FAT3: variants seen among roughly 807,000 people sequenced by gnomAD.
The protein encoded by FAT3 is protocadherin Fat 3.
In FAT3, 95 loss-of-function variants were observed where a neutral mutation model predicts 310.2. The ratio of observed to expected loss-of-function variants is 0.31; its 90% CI spans 0.26 to 0.36. The LOEUF (loss-of-function observed/expected upper bound fraction) is 0.36. Ranked by LOEUF, FAT3 falls within the 10% of genes least tolerant of loss-of-function variation. The pLI is 1.00. For synonymous variants in FAT3, 2,314 were observed against 2,192.9 expected, an observed-to-expected ratio of 1.06 and a Z score of -1.54; for missense variants, 5,408 against 5,715.6, an observed-to-expected ratio of 0.95 and a Z score of 1.74.
At chr11:92,556,508 T>A (rs1295424753) in intron 3 of FAT3, among the ~76,000 whole-genome samples, 1 of 152,214 alleles carries the variant, frequency 6.6e-6, no homozygotes, top group Admixed American at 6.5e-5. Context: ...GTTCTCTTTT[T>A]CTGTTTACAT....
chr11:92,262,080 G>T (rs765665550), intron 1 of FAT3, among the ~76,000 whole-genome samples: 2 of 151,940 alleles, frequency 1.3e-5, no homozygotes, highest in Non-Finnish European at 2.9e-5. Flanking sequence ...ATTAGAAGAG[G>T]CTACCATATT....
chr11:92,811,549 C>T (rs1025232263), intron 13 of FAT3, among the ~76,000 whole-genome samples: 2 of 152,094 alleles, frequency 1.3e-5, no homozygotes, highest in African/African-American at 2.4e-5. Context: ...GAAGAACATA[C>T]TATGTCCTCC....
At chr11:92,706,645 T>A (rs1413094296) in intron 4 of FAT3, among the ~76,000 whole-genome samples, 1 of 152,252 alleles carries the variant, frequency 6.6e-6, no homozygotes, top group African/African-American at 2.4e-5. Context: ...CAACAGTTGA[T>A]AGAAAGGAAG....
At chr11:92,259,463 A>G (rs1865447028) in intron 1 of FAT3, among the ~76,000 whole-genome samples, 1 of 152,138 alleles carries the variant, frequency 6.6e-6, no homozygotes, top group African/African-American at 2.4e-5. Context: ...TAATTGTACA[A>G]TGAGTAGTAA....
chr11:92,753,922 T>C (rs1018182239), intron 4 of FAT3, among the ~76,000 whole-genome samples: 4 of 151,798 alleles, frequency 2.6e-5, no homozygotes, highest in African/African-American at 4.9e-5. Flanking sequence ...ACATTGTATA[T>C]TCTCACTGAT....
intron 22 of FAT3, among the ~76,000 whole-genome samples, chr11:92,874,187 C>T (rs1009627508): frequency 6.6e-6 from 1 of 152,182 alleles, no homozygotes; most frequent in African/African-American, 2.4e-5. Flanking sequence ...TTTTCTTTCA[C>T]ATTTACAAAA....
At chr11:92,582,854 A>G (rs1938890104) in intron 3 of FAT3, among the ~76,000 whole-genome samples, 1 of 152,056 alleles carries the variant, frequency 6.6e-6, no homozygotes, top group South Asian at 2.1e-4. Flanking sequence ...TATTATCTTA[A>G]TGTAGGGATG....
intron 2 of FAT3, among the ~76,000 whole-genome samples, chr11:92,472,377 C>G (rs1951932242): frequency 6.6e-6 from 1 of 152,042 alleles, no homozygotes; most frequent in Non-Finnish European, 1.5e-5. Context: ...ATATTTTTTT[C>G]TACCAGTCAT....
chr11:92,887,674 C>T (rs1440412562), intron 25 of FAT3, among the ~76,000 whole-genome samples: 2 of 152,138 alleles, frequency 1.3e-5, no homozygotes, highest in African/African-American at 2.4e-5. Context: ...TGCAATTTCT[C>T]GTGGTTCACA....
intron 2 of FAT3, among the ~76,000 whole-genome samples, chr11:92,394,064 C>T (rs897020437): frequency 6.6e-6 from 1 of 152,146 alleles, no homozygotes; most frequent in Non-Finnish European, 1.5e-5. Flanking sequence ...CACCACAGCA[C>T]TGGACATGTA....
chr11:92,289,728 C>T (rs1946646845), intron 1 of FAT3, among the ~76,000 whole-genome samples: 1 of 151,908 alleles, frequency 6.6e-6, no homozygotes, highest in African/African-American at 2.4e-5. Flanking sequence ...GTATCTAATC[C>T]CTAACCCTCA....
At position 92,512,227 on chromosome 11, in the gene FAT3, A is replaced by G. The variant is rs576330876; in HGVS notation, c.3293-12407A>G. On this transcript the variant is annotated intron_variant, in intron 2 of 27. Coordinates refer to ENST00000525166, the MANE Select transcript of FAT3 (RefSeq NM_001367949.2). ...AAAAATATATGCACATATAATATAGACAGAGTTGCCAAAAGACAAAATCAC... is the reference window on the plus strand; with the variant it reads ...AAAAATATATGCACATATAATATAGGCAGAGTTGCCAAAAGACAAAATCAC... 2.0e-4 allele frequency among the ~76,000 whole-genome samples: 30 copies of G among 152,196 alleles called. 1 individual carries two copies. In the South Asian group the frequency reaches 6.2e-3, roughly 32 times the overall value.
rs566899941 is a variant in FAT3 at position 92,517,246 on chromosome 11, A to G, written c.3293-7388A>G. On this transcript the variant is annotated intron_variant, in intron 2 of 27. Coordinates refer to ENST00000525166, the MANE Select transcript of FAT3 (RefSeq NM_001367949.2). Reference sequence around the variant, plus strand: ...ACTTCAAACTATACTACAAGGCTACAGTAACCAAAACAGCATGGTACTGAT... The same window carrying G: ...ACTTCAAACTATACTACAAGGCTACGGTAACCAAAACAGCATGGTACTGAT... Among the ~76,000 whole-genome samples, 70 of 152,340 alleles carry G rather than the reference A, an allele frequency of 4.6e-4. 1 individual carries two copies. The highest frequency in any genetic ancestry group is 1.6e-3 in the African/African-American group (68 of 41,584).
intron 4 of FAT3, among the ~76,000 whole-genome samples, chr11:92,756,882 G>A (rs1018169115): frequency 2.0e-5 from 3 of 148,904 alleles, no homozygotes; most frequent in African/African-American, 7.5e-5. Flanking sequence ...GGCTCTGCCT[G>A]GCATTCACAG....
chr11:92,649,871 GTTCATATATATATATATATATATATA>G (rs1352035387), intron 3 of FAT3, among the ~76,000 whole-genome samples: 9 of 114,094 alleles, frequency 7.9e-5, no homozygotes, highest in South Asian at 3.6e-4. Flanking sequence ...CACTTTGTAT[GTTCATATATATATATATATATATATA>G]TATATATATA....
intron 2 of FAT3, chr11:92,403,385 A>G (rs1950066871): frequency 6.6e-6 from 1 of 152,092 alleles, no homozygotes; most frequent in Non-Finnish European, 1.5e-5. Flanking sequence ...TTATTTGCTT[A>G]TTTTTCCCTA....
intron 1 of FAT3, among the ~76,000 whole-genome samples, chr11:92,308,874 C>T (rs1193350839): frequency 1.3e-5 from 2 of 152,046 alleles, no homozygotes; most frequent in Non-Finnish European, 2.9e-5. Flanking sequence ...AATAGCAGAC[C>T]CAGTTTCCAG....
intron 13 of FAT3, among the ~76,000 whole-genome samples, chr11:92,825,740 C>A (rs1948084973): frequency 6.6e-6 from 1 of 152,042 alleles, no homozygotes; most frequent in Admixed American, 6.6e-5. Flanking sequence ...GAAGCTGGGG[C>A]AAGCCTGGAT....
intron 1 of FAT3, among the ~76,000 whole-genome samples, chr11:92,349,153 T>A (rs2134617075): frequency 6.6e-6 from 1 of 152,282 alleles, no homozygotes; most frequent in Admixed American, 6.5e-5. Context: ...CAGGAAGTCT[T>A]CTCAGCACAG....
Sources: gnomAD v4.1 joint callset for allele counts (sites outside exome capture counted in the v4.1 genomes callset) on GRCh38, gnomAD v4.1.1 for gene constraint, MANE v1.5 for transcripts, NCBI Gene and HGNC (gene_info 2026-07-23, HGNC 2026-07-21) for gene names.